MROH9: variants seen among roughly 807,000 people sequenced by gnomAD.
MROH9 encodes the protein maestro heat like repeat family member 9.
MROH9 carries 92 observed loss-of-function variants against 98.2 expected under a neutral mutation model. That is an observed-to-expected ratio of 0.94 (90% CI 0.79 to 1.11). The LOEUF (loss-of-function observed/expected upper bound fraction) is 1.11. Ranked by LOEUF, MROH9 falls within the 50% of genes most tolerant of loss-of-function variation. MROH9 has a pLI of 0.00. For synonymous variants in MROH9, 397 were observed against 368.9 expected (o/e 1.08, Z -0.87); for missense variants, 1,057 against 1,014.8 (o/e 1.04, Z -0.57).
In MROH9 at chr1:171,019,871, G is replaced by T. The variant is rs141942729; in HGVS notation, c.1908+3535G>T. On this transcript the variant is annotated intron_variant, in intron 17 of 21. Transcript: ENST00000367759. ...AATTAACAAAATAGATAGACCACTA[G>T]CTAGACTAATATAGAAAAAAAGAAT... 1.8e-4 allele frequency among the ~76,000 whole-genome samples: 27 copies of T among 152,074 alleles called. No individual in the cohort carries two copies. The East Asian group carries it at 4.8e-3, about 27-fold the overall frequency.
chr1:170,953,347 T>A (rs1649629097), intron 3 of MROH9, among the ~76,000 whole-genome samples: 1 of 152,048 alleles, frequency 6.6e-6, no homozygotes, highest in African/African-American at 2.4e-5. Flanking sequence ...TTAGTTTTGA[T>A]CAAGTCCAAT....
intron 8 of MROH9, among the ~76,000 whole-genome samples, chr1:170,973,102 T>TGCATGCACAC (rs1456020970): frequency 6.8e-6 from 1 of 147,196 alleles, no homozygotes; most frequent in African/African-American, 2.5e-5. Flanking sequence ...AGTACATGAG[T>TGCATGCACAC]GCATGCACAC....
intron 1 of MROH9, among the ~76,000 whole-genome samples, chr1:170,941,447 G>T (rs2101864113): frequency 1.3e-5 from 2 of 151,990 alleles, no homozygotes; most frequent in East Asian, 1.9e-4. Flanking sequence ...GAACTTTTAT[G>T]CTTATACAAA....
chr1:170,941,989 G>A (rs1649138686), intron 1 of MROH9, among the ~76,000 whole-genome samples: 1 of 152,130 alleles, frequency 6.6e-6, no homozygotes. Context: ...AGTAGTTAGA[G>A]CCATTTCCAA....
Position 171,058,418 on chromosome 1 carries a change from C to G in MROH9, c.2282-3714C>G, listed in dbSNP as rs60656558. On this transcript the variant is annotated intron_variant, in intron 20 of 21. Coordinates refer to ENST00000367759, the MANE Select transcript of MROH9 (RefSeq NM_001163629.2). ...AATCAATATCGTGAAAATGGCCATA[C>G]TGCCCAAAGTAATTTATAGATTCAA... Among the ~76,000 whole-genome samples the G allele has an allele frequency of 5.6e-3, 837 of 150,660 alleles. 10 individuals are homozygous for G. Among genetic ancestry groups the G allele is most frequent in the African/African-American group, 0.019 (794 of 40,992 alleles).
chr1:170,950,358 G>T (rs888001597), intron 3 of MROH9, among the ~76,000 whole-genome samples: 4 of 152,028 alleles, frequency 2.6e-5, no homozygotes, highest in African/African-American at 9.7e-5. Context: ...ACTTAGAATA[G>T]TCCATAAAGG....
chr1:170,996,878 T>G (rs545603166), intron 14 of MROH9, among the ~76,000 whole-genome samples: 1 of 152,162 alleles, frequency 6.6e-6, no homozygotes, highest in East Asian at 1.9e-4. Flanking sequence ...CCAATTATCC[T>G]CCCTCCACAG....
intron 6 of MROH9, among the ~76,000 whole-genome samples, chr1:170,964,016 T>A (rs959334941): frequency 7.9e-5 from 12 of 152,144 alleles, no homozygotes; most frequent in Non-Finnish European, 1.6e-4. Context: ...TCCCTGCCCA[T>A]GCATGCTCTT....
chr1:171,007,999 CA>C (rs1652020900), intron 15 of MROH9, among the ~76,000 whole-genome samples: 1 of 152,140 alleles, frequency 6.6e-6, no homozygotes. Context: ...ACATAAATCC[CA>C]AAAAGTCCCC....
In MROH9 at chr1:170,970,188, G is replaced by A. The variant is rs77198667; in HGVS notation, c.481-1560G>A. Among the ~76,000 whole-genome samples the A allele has an allele frequency of 6.5e-3, 983 of 152,224 alleles. 9 individuals are homozygous for A. The highest frequency in any genetic ancestry group is 0.021 in the African/African-American group (862 of 41,530). On this transcript the variant is annotated intron_variant, in intron 7 of 21. Transcript: ENST00000367759. ...ACACATCTAACAAGCTCCTGAGCAGGGATAATCAGAGAGGACATTTGAGGC... is the reference window on the plus strand; with the variant it reads ...ACACATCTAACAAGCTCCTGAGCAGAGATAATCAGAGAGGACATTTGAGGC...
chr1:171,037,439 A>C (rs1653139071), intron 20 of MROH9, among the ~76,000 whole-genome samples: 1 of 151,990 alleles, frequency 6.6e-6, no homozygotes, highest in Non-Finnish European at 1.5e-5. Flanking sequence ...GAAAATTGCA[A>C]ACATTACTGA....
chr1:171,004,120 C>T (rs183598329), intron 15 of MROH9, among the ~76,000 whole-genome samples: 7 of 152,204 alleles, frequency 4.6e-5, no homozygotes, highest in Admixed American at 6.5e-5. Flanking sequence ...AGTCTGTTTC[C>T]AAGCAGAGGG....
At chr1:170,975,346 T>C (rs893051964) in intron 8 of MROH9, among the ~76,000 whole-genome samples, 7 of 152,092 alleles carry the variant, frequency 4.6e-5, no homozygotes, top group Admixed American at 1.3e-4. Context: ...AAAGATATAT[T>C]TTAGAGATAA....
chr1:171,037,700 C>T (rs1653150727), intron 20 of MROH9, among the ~76,000 whole-genome samples: 1 of 151,848 alleles, frequency 6.6e-6, no homozygotes, highest in Non-Finnish European at 1.5e-5. Context: ...TATCATACAT[C>T]AATATAGCTT....
intron 3 of MROH9, among the ~76,000 whole-genome samples, chr1:170,956,069 G>A (rs61815214): frequency 0.08 from 12,150 of 152,138 alleles, 623 homozygotes; most frequent in Non-Finnish European, 0.11. Context: ...TTGTTGAAAA[G>A]GGTGTCCTTT....
At chr1:170,948,346 G>T (rs546030708) in intron 3 of MROH9, among the ~76,000 whole-genome samples, 1 of 151,970 alleles carries the variant, frequency 6.6e-6, no homozygotes, top group Non-Finnish European at 1.5e-5. Context: ...GGTCGAAGTC[G>T]CTGATAATTA....
At chr1:171,012,798 C>T (rs1652203528) in intron 15 of MROH9, among the ~76,000 whole-genome samples, 1 of 152,122 alleles carries the variant, frequency 6.6e-6, no homozygotes, top group Non-Finnish European at 1.5e-5. Flanking sequence ...CCACCGCACC[C>T]GGCCAAAACT....
intron 16 of MROH9, among the ~76,000 whole-genome samples, chr1:171,014,695 C>T (rs1652270751): frequency 6.6e-6 from 1 of 152,158 alleles, no homozygotes; most frequent in South Asian, 2.1e-4. Context: ...ATGATCAGCC[C>T]AAGTCAAACT....
At chr1:171,053,086 C>T (rs551704038) in intron 20 of MROH9, among the ~76,000 whole-genome samples, 4 of 152,282 alleles carry the variant, frequency 2.6e-5, no homozygotes, top group South Asian at 2.1e-4. Flanking sequence ...AAACTCGCTG[C>T]GGCTTCAACA....
Sources: allele counts gnomAD v4.1 joint callset (sites outside exome capture counted in the v4.1 genomes callset), GRCh38; gene constraint gnomAD v4.1.1; transcripts MANE v1.5; gene names NCBI Gene and HGNC (gene_info 2026-07-23, HGNC 2026-07-21).